Variants in WNT8B observed in about 807,000 individuals in gnomAD.
The protein encoded by WNT8B is Wnt family member 8B.
In WNT8B, 24 loss-of-function variants were observed where a neutral mutation model predicts 36.6. The observed-to-expected ratio is 0.66, with a 90% CI of 0.48 to 0.92. The LOEUF (loss-of-function observed/expected upper bound fraction) is 0.92, where lower values mean the gene tolerates loss of function less well. Among genes scored for constraint, WNT8B ranks in the 40% least tolerant of loss-of-function variants. The pLI, the probability that WNT8B is intolerant of heterozygous loss-of-function variation, is 0.00. For synonymous variants in WNT8B, 199 were observed against 189.8 expected (o/e 1.05, Z -0.40); for missense variants, 402 against 470.8 (o/e 0.85, Z 1.35).
At chr10:100,472,945 G>A (rs1011701549) in intron 1 of WNT8B, among the ~76,000 whole-genome samples, 1 of 152,212 alleles carries the variant, frequency 6.6e-6, no homozygotes, top group Admixed American at 6.5e-5. Context: ...TGGGAGCACT[G>A]GCTTGCCACA....
intron 1 of WNT8B, 136 bp downstream of exon 1, chr10:100,463,372 C>A: frequency 1.4e-6 from 1 of 739,286 alleles, no homozygotes; most frequent in South Asian, 2.1e-5. Context: ...TGGGGTAGGG[C>A]TCTTCCTAAA....
chr10:100,476,074 G>A (rs553931263), intron 1 of WNT8B, among the ~76,000 whole-genome samples: 4 of 151,794 alleles, frequency 2.6e-5, no homozygotes, highest in East Asian at 3.9e-4. Context: ...GGCAGATCAC[G>A]AGGTCAGGAG....
At chr10:100,471,987 G>C (rs1269197050) in intron 1 of WNT8B, among the ~76,000 whole-genome samples, 1 of 151,886 alleles carries the variant, frequency 6.6e-6, no homozygotes, top group African/African-American at 2.4e-5. Context: ...TTGAGGTCAG[G>C]AGTTCAAGAC....
At chr10:100,477,525 T>A (rs1204583159) in intron 1 of WNT8B, among the ~76,000 whole-genome samples, 2 of 152,110 alleles carry the variant, frequency 1.3e-5, no homozygotes, top group Non-Finnish European at 2.9e-5. Flanking sequence ...GGTCTCGATC[T>A]CCTGACCTCA....
chr10:100,476,382 A>G (rs1238329686), intron 1 of WNT8B, among the ~76,000 whole-genome samples: 1 of 152,164 alleles, frequency 6.6e-6, no homozygotes, highest in African/African-American at 2.4e-5. Context: ...CTCGTTTAGA[A>G]TCTTTTTCAT....
rs980466974 is a variant in WNT8B at position 100,483,721 on chromosome 10, C to T, written c.*905C>T. 3 of 152,238 alleles carry T rather than the reference C, an allele frequency of 2.0e-5. No homozygotes were observed. The highest frequency in any genetic ancestry group is 2.9e-5 in the Non-Finnish European group (2 of 68,034). The allele number at this position is 152,238 out of a possible 1,614,324, so 9.4% of individuals were successfully genotyped here. A position where few individuals can be genotyped will look rare whatever the true frequency, so the allele number is the denominator to read the frequency against. The stretch of plus-strand genomic sequence containing the variant: ...AGGTAAATAAAGCCACTTTCCTCTT[C>T]AGATCCTGGTCTGCACCTCTAGAGG... On this transcript the variant is annotated 3_prime_UTR_variant, in exon 6 of 6. Coordinates refer to ENST00000343737, the MANE Select transcript of WNT8B (RefSeq NM_003393.4).
chr10:100,471,025 G>A (rs145454852), intron 1 of WNT8B, among the ~76,000 whole-genome samples: 23 of 152,334 alleles, frequency 1.5e-4, no homozygotes, highest in African/African-American at 3.4e-4. Flanking sequence ...TTACAGGCGT[G>A]AGCCACCATG....
intron 1 of WNT8B, among the ~76,000 whole-genome samples, chr10:100,476,900 C>T (rs1393428660): frequency 1.3e-5 from 2 of 152,200 alleles, no homozygotes; most frequent in Non-Finnish European, 2.9e-5. Flanking sequence ...TCAGACTTCA[C>T]CATTTTTACA....
chr10:100,476,540 T>C (rs1851040072), intron 1 of WNT8B, among the ~76,000 whole-genome samples: 1 of 152,154 alleles, frequency 6.6e-6, no homozygotes, highest in Non-Finnish European at 1.5e-5. Context: ...TCCAATCCCC[T>C]TTCTGGTGAT....
intron 1 of WNT8B, 149 bp from the exon 2 acceptor site, chr10:100,478,903 T>C: frequency 1.6e-6 from 1 of 637,906 alleles, no homozygotes; most frequent in Non-Finnish European, 2.5e-6. Context: ...TTTAGTAGGT[T>C]TGTTATGCAC....
chr10:100,479,073 G>T lies in WNT8B; in HGVS notation c.90G>T (p.Met30Ile). ...ATAGGTCGGTGAACAATTTCCTGAT[G>T]ACTGGTCCAAAGGTAAGAACAAATT... ...SHSWSVNNFL[M>I]TGPKAYLIYS... The change falls in exon 2 of 6, where the codon ATG (methionine) becomes ATT (isoleucine). Residue 30 changes from methionine (M) to isoleucine (I), a missense_variant. Met to Ile is a conservative substitution (Grantham distance 10). Transcript: ENST00000343737. The T allele has an allele frequency of 6.2e-7, 1 of 1,600,398 alleles. No individual in the cohort carries two copies. Among genetic ancestry groups the T allele is most frequent in the Non-Finnish European group, 8.5e-7 (1 of 1,176,134 alleles).
At chr10:100,473,374 T>C (rs750020077) in intron 1 of WNT8B, among the ~76,000 whole-genome samples, 7 of 152,196 alleles carry the variant, frequency 4.6e-5, no homozygotes, top group Non-Finnish European at 7.3e-5. Flanking sequence ...CCACAATCCA[T>C]TTTAGAACAT....
chr10:100,481,853 G>T, intron 4 of WNT8B, 59 bp from the exon 5 acceptor site: 1 of 1,591,522 alleles, frequency 6.3e-7, no homozygotes, highest in East Asian at 2.3e-5. Context: ...AGAAACAGCA[G>T]CCCAGGAGGC....
In WNT8B at chr10:100,483,031, C is replaced by A; in HGVS notation, c.*215C>A. 1 of 523,014 alleles carries A rather than the reference C, an allele frequency of 1.9e-6. No homozygotes were observed. The allele number at this position is 523,014 out of a possible 1,614,324, so 32.4% of individuals were successfully genotyped here. ...CTCTGTCTGAATCCTCGCAGCCACA[C>A]CTAGGTCTGAGAACTCAGGCTTTGA... is the stretch of plus-strand genomic sequence containing the variant. On this transcript the variant is annotated 3_prime_UTR_variant, in exon 6 of 6. Coordinates refer to ENST00000343737, the MANE Select transcript of WNT8B (RefSeq NM_003393.4).
intron 1 of WNT8B, among the ~76,000 whole-genome samples, chr10:100,478,404 A>G (rs1215276262): frequency 6.6e-6 from 1 of 152,194 alleles, no homozygotes; most frequent in Non-Finnish European, 1.5e-5. Flanking sequence ...CCGAGAGTAG[A>G]GCATAAGGAA....
chr10:100,463,314 C>T lies in WNT8B; in HGVS notation c.68+78C>T. 2.1e-6 allele frequency: 3 copies of T among 1,431,988 alleles called. No homozygotes were observed. In the South Asian group the frequency reaches 3.6e-5, roughly 17 times the overall value. 88.7% of individuals were successfully genotyped at this position (1,431,988 alleles called of 1,614,324 possible). A position where few individuals can be genotyped will look rare whatever the true frequency, so the allele number is the denominator to read the frequency against. On this transcript the variant is annotated intron_variant, in intron 1 of 5. Transcript: ENST00000343737. The stretch of plus-strand genomic sequence containing the variant: ...GTGTTGGGTAAAGCTCATTTCATTT[C>T]CAGAAATGTAGGAAGCCTTGATAGC...
chr10:100,480,286 T>A (rs1242552871), intron 3 of WNT8B, among the ~76,000 whole-genome samples: 1 of 152,186 alleles, frequency 6.6e-6, no homozygotes, highest in African/African-American at 2.4e-5. Flanking sequence ...GCTAAAGGTC[T>A]CCTCACAATG....
chr10:100,483,424 C>T lies in WNT8B; in HGVS notation c.*608C>T, dbSNP rs956704047. 6.6e-6 allele frequency: 1 copy of T among 152,190 alleles called. No homozygotes were observed. Among genetic ancestry groups the T allele is most frequent in the Non-Finnish European group, 1.5e-5 (1 of 68,078 alleles). 9.4% of individuals were successfully genotyped at this position (152,190 alleles called of 1,614,324 possible). A position where few individuals can be genotyped will look rare whatever the true frequency, so the allele number is the denominator to read the frequency against. ...GAGGTTGAAGATGGAAGAGGGAGCT[C>T]TGGAGTGCTAACTTGAACACCAAGG... is the stretch of plus-strand genomic sequence containing the variant. On this transcript the variant is annotated 3_prime_UTR_variant, in exon 6 of 6. Transcript: ENST00000343737.
chr10:100,470,221 G>C (rs1359778897), intron 1 of WNT8B, among the ~76,000 whole-genome samples: 1 of 152,048 alleles, frequency 6.6e-6, no homozygotes, highest in Admixed American at 6.5e-5. Context: ...GACCTCCCTA[G>C]CTCAAATGAT....
Sources: gnomAD v4.1 joint callset for allele counts (sites outside exome capture counted in the v4.1 genomes callset) on GRCh38, gnomAD v4.1.1 for gene constraint, MANE v1.5 for transcripts, NCBI Gene and HGNC (gene_info 2026-07-23, HGNC 2026-07-21) for gene names.